The following ARID4A variants were observed in gnomAD, a reference collection of about 807,000 sequenced individuals.
ARID4A encodes the protein AT-rich interaction domain 4A.
ARID4A carries 39 observed loss-of-function variants against 148.6 expected under a neutral mutation model. The ratio of observed to expected loss-of-function variants is 0.26; its 90% CI spans 0.20 to 0.34. The LOEUF (loss-of-function observed/expected upper bound fraction) is 0.34, where lower values mean the gene tolerates loss of function less well. ARID4A is among the 10% of genes least tolerant of loss of function. The pLI is 1.00. For missense variants in ARID4A, 1,265 were observed against 1,449.1 expected (o/e 0.87, Z 2.06); for synonymous variants, 475 against 481.2 (o/e 0.99, Z 0.17).
chr14:58,344,199 C>T (rs1035086127), intron 11 of ARID4A, among the ~76,000 whole-genome samples: 19 of 152,234 alleles, frequency 1.2e-4, no homozygotes, highest in African/African-American at 4.6e-4. Flanking sequence ...ATTGTGCCAT[C>T]TAAACAGAAA....
At chr14:58,305,781 C>T (rs1273728313) in intron 4 of ARID4A, among the ~76,000 whole-genome samples, 3 of 152,116 alleles carry the variant, frequency 2.0e-5, no homozygotes, top group South Asian at 2.1e-4. Flanking sequence ...TCTTTCTGAA[C>T]GGCAATTTTC....
intron 7 of ARID4A, among the ~76,000 whole-genome samples, chr14:58,319,709 G>C (rs1242633200): frequency 6.7e-6 from 1 of 149,176 alleles, no homozygotes; most frequent in African/African-American, 2.5e-5. Flanking sequence ...CGCCTGGCTA[G>C]TTTTTGTATT....
intron 15 of ARID4A, 112 bp from the exon 16 acceptor site, chr14:58,350,961 C>G: frequency 1.8e-6 from 2 of 1,090,762 alleles, no homozygotes; most frequent in Non-Finnish European, 2.5e-6. Flanking sequence ...GTTTTCAGGG[C>G]CACGTTTCAA....
intron 11 of ARID4A, among the ~76,000 whole-genome samples, 196 bp downstream of exon 11, chr14:58,330,365 GA>G (rs1404789387): frequency 2.6e-5 from 4 of 152,134 alleles, no homozygotes; most frequent in Non-Finnish European, 5.9e-5. Flanking sequence ...CTTAGTAAGA[GA>G]TTACAAGAAA....
At chr14:58,312,907 A>T (rs2032149048) in intron 5 of ARID4A, among the ~76,000 whole-genome samples, 1 of 152,236 alleles carries the variant, frequency 6.6e-6, no homozygotes, top group Non-Finnish European at 1.5e-5. Flanking sequence ...GACAGATAAA[A>T]TTAATTTACT....
chr14:58,362,622 A>G (rs977345111), intron 19 of ARID4A, among the ~76,000 whole-genome samples: 2 of 151,692 alleles, frequency 1.3e-5, no homozygotes, highest in Non-Finnish European at 2.9e-5. Context: ...TAGTGGCGCA[A>G]TCTCAGCTCC....
At chr14:58,313,396 G>A (rs1457797371) in intron 5 of ARID4A, among the ~76,000 whole-genome samples, 2 of 152,172 alleles carry the variant, frequency 1.3e-5, no homozygotes, top group Admixed American at 6.5e-5. Context: ...TCCCTCGCTT[G>A]TGCAGTTCAC....
chr14:58,361,200 C>T (rs1156272873), intron 19 of ARID4A, 158 bp downstream of exon 19: 2 of 812,974 alleles, frequency 2.5e-6, no homozygotes, highest in Non-Finnish European at 3.0e-6. Flanking sequence ...GTTGAGTATC[C>T]CTTGCCCAAA....
chr14:58,301,473 G>A (rs1419864653), intron 2 of ARID4A, 107 bp from the exon 3 acceptor site: 2 of 650,964 alleles, frequency 3.1e-6, no homozygotes, highest in Non-Finnish European at 5.0e-6. Context: ...TAATAAGCAA[G>A]TCATTTTAAT....
At chr14:58,331,032 G>A (rs1468954440) in intron 11 of ARID4A, among the ~76,000 whole-genome samples, 1 of 152,046 alleles carries the variant, frequency 6.6e-6, no homozygotes, top group Admixed American at 6.6e-5. Flanking sequence ...GAAAAATGTG[G>A]GATTCTTGTT....
chr14:58,325,243 C>G (rs923941553), intron 8 of ARID4A, among the ~76,000 whole-genome samples: 2 of 152,104 alleles, frequency 1.3e-5, no homozygotes, highest in African/African-American at 4.8e-5. Flanking sequence ...AGCTCAAGTC[C>G]TACATTCTTT....
chr14:58,347,556 G>T lies in ARID4A; in HGVS notation c.1173-91G>T, dbSNP rs568809852. 318 of 1,030,120 alleles carry T rather than the reference G, an allele frequency of 3.1e-4. 4 individuals carry two copies. The highest frequency in any genetic ancestry group is 1.2e-3 in the Middle Eastern group (4 of 3,222). 63.8% of individuals were successfully genotyped at this position (1,030,120 alleles called of 1,614,324 possible). Reference sequence around the variant, plus strand: ...TAACAAAAATTTTTTTAAATTACTGGGCTTTACTTTTTAAAAATGTGTTTA... The same window carrying T: ...TAACAAAAATTTTTTTAAATTACTGTGCTTTACTTTTTAAAAATGTGTTTA... On this transcript the variant is annotated intron_variant, in intron 14 of 23. Coordinates refer to ENST00000355431, the MANE Select transcript of ARID4A (RefSeq NM_002892.4).
At chr14:58,368,844 G>A (rs939099381) in intron 23 of ARID4A, among the ~76,000 whole-genome samples, 13 of 152,168 alleles carry the variant, frequency 8.5e-5, no homozygotes, top group African/African-American at 3.1e-4. Context: ...TTTGTGGTAA[G>A]TGCTTATGTG....
Position 58,301,710 on chromosome 14 carries a change from A to G in ARID4A, c.117+20A>G, listed in dbSNP as rs754010181. 8 of 1,584,662 alleles carry G rather than the reference A, an allele frequency of 5.0e-6. No individual in the cohort carries two copies. Among genetic ancestry groups the G allele is most frequent in the Non-Finnish European group, 6.9e-6 (8 of 1,155,334 alleles). ...GTTAAGGTAATATTTGTTTTTATGC[A>G]ATAGTTTTATTAACTCTAGATTGAA... On this transcript the variant is annotated intron_variant, in intron 3 of 23. Transcript: ENST00000355431.
At chr14:58,354,698 A>G (rs925968979) in intron 17 of ARID4A, among the ~76,000 whole-genome samples, 109 of 151,762 alleles carry the variant, frequency 7.2e-4, no homozygotes, top group African/African-American at 2.6e-3. Context: ...TAAAAAAAAA[A>G]AAAAAGAAAA....
intron 15 of ARID4A, among the ~76,000 whole-genome samples, chr14:58,348,452 A>G (rs2034479871): frequency 6.6e-6 from 1 of 152,198 alleles, no homozygotes; most frequent in South Asian, 2.1e-4. Flanking sequence ...CCTAAACTAG[A>G]TGATATCTTG....
At chr14:58,322,760 A>G (rs2032972719) in intron 7 of ARID4A, among the ~76,000 whole-genome samples, 1 of 151,736 alleles carries the variant, frequency 6.6e-6, no homozygotes, top group Admixed American at 6.6e-5. Flanking sequence ...TCAGGAGTTC[A>G]AGACCAGCCT....
chr14:58,320,971 G>A (rs1337105677), intron 7 of ARID4A, among the ~76,000 whole-genome samples: 1 of 152,124 alleles, frequency 6.6e-6, no homozygotes, highest in Non-Finnish European at 1.5e-5. Context: ...TAATATGTTG[G>A]ATTGTTTTCT....
At chr14:58,299,727 A>C (rs1210429384) in intron 1 of ARID4A, 71 bp from the exon 2 acceptor site, 2 of 1,340,394 alleles carry the variant, frequency 1.5e-6, no homozygotes, top group Non-Finnish European at 2.1e-6. Context: ...GCGTTTGTTT[A>C]CTTTCTTTCC....
Sources: gnomAD v4.1 joint callset for allele counts (sites outside exome capture counted in the v4.1 genomes callset) on GRCh38, gnomAD v4.1.1 for gene constraint, MANE v1.5 for transcripts, NCBI Gene and HGNC (gene_info 2026-07-23, HGNC 2026-07-21) for gene names.